Variants in PCM1 observed in about 807,000 individuals in gnomAD.
PCM1 encodes the protein pericentriolar material 1, also known as pericentriolar material 1 protein.
A neutral mutation model predicts 241.9 loss-of-function variants in PCM1; 157 were observed. That is an observed-to-expected ratio of 0.65 (90% CI 0.57 to 0.74). The LOEUF is 0.74. Ranked by LOEUF, PCM1 falls within the 30% of genes least tolerant of loss-of-function variation. PCM1 has a pLI of 0.00. For synonymous variants in PCM1, 1,085 were observed against 784.9 expected (o/e 1.38, Z -6.39); for missense variants, 3,478 against 2,360.1 (o/e 1.47, Z -9.81).
intron 2 of PCM1, among the ~76,000 whole-genome samples, chr8:17,930,497 G>C (rs551622500): frequency 6.6e-6 from 1 of 152,288 alleles, no homozygotes; most frequent in East Asian, 1.9e-4. Flanking sequence ...ATTTGTAATG[G>C]TGACATTTAG....
chr8:17,928,280 T>C (rs1445235740), intron 2 of PCM1, among the ~76,000 whole-genome samples: 1 of 152,220 alleles, frequency 6.6e-6, no homozygotes, highest in Non-Finnish European at 1.5e-5. Flanking sequence ...GAATAGTCTC[T>C]CGTTTCCCTG....
chr8:18,024,519 G>A (rs1342436802), intron 36 of PCM1, among the ~76,000 whole-genome samples: 3 of 152,028 alleles, frequency 2.0e-5, no homozygotes, highest in African/African-American at 2.4e-5. Context: ...TTAAAACTTC[G>A]AAAATTACTG....
intron 17 of PCM1, among the ~76,000 whole-genome samples, chr8:17,963,899 C>G (rs564212450): frequency 6.6e-6 from 1 of 152,130 alleles, no homozygotes; most frequent in Non-Finnish European, 1.5e-5. Flanking sequence ...TTGCACCAAG[C>G]CCTACTCTCT....
Position 17,972,463 on chromosome 8 carries a change from G to C in PCM1, c.3719G>C (p.Arg1240Pro). Residue 1240 changes from arginine to proline, a missense_variant, in exon 23 of 39, where the codon CGC (arginine) becomes CCC (proline). Transcript: ENST00000325083. ...GTAGAAAAATCTACAAGTAGTAACC[G>C]CAAAAATCAATTAGATACAAACGGA... ...VSVEKSTSSN[R>P]KNQLDTNGRR... The C allele has an allele frequency of 1.9e-6, 3 of 1,613,500 alleles. No homozygotes were observed. The highest frequency in any genetic ancestry group is 2.2e-5 in the South Asian group (2 of 91,010).
At chr8:17,927,768 C>G (rs138246868) in intron 2 of PCM1, 1 of 148,944 alleles carries the variant, frequency 6.7e-6, no homozygotes, top group African/African-American at 2.5e-5. Context: ...TCAGGCTAGT[C>G]TTCAACTCCT....
chr8:17,963,140 G>C lies in PCM1; in HGVS notation c.2503G>C (p.Glu835Gln). 1.2e-6 allele frequency: 2 copies of C among 1,613,010 alleles called. No homozygotes were observed. Among genetic ancestry groups the C allele is most frequent in the Non-Finnish European group, 1.7e-6 (2 of 1,179,450 alleles). ...EMRRHEMLRE[E>Q]LRQRRKQLEA... is the part of the protein sequence containing the mutation. ...GAGAAGACATGAAATGTTGAGGGAG[G>C]AGCTGCGACAGAGAAGAAAGCAGCT... The change falls in exon 17 of 39, where the codon GAG (glutamate) becomes CAG (glutamine). Residue 835 changes from glutamate to glutamine, a missense_variant. Glu to Gln is a conservative substitution (Grantham distance 29). Coordinates refer to ENST00000325083, the MANE Select transcript of PCM1 (RefSeq NM_006197.4).
intron 6 of PCM1, among the ~76,000 whole-genome samples, chr8:17,941,045 T>G (rs1286392985): frequency 3.3e-5 from 5 of 152,208 alleles, no homozygotes; most frequent in Non-Finnish European, 7.3e-5. Context: ...TTCCCGGACC[T>G]TCCTAATTTG....
chr8:17,960,136 G>T lies in PCM1; in HGVS notation c.2163G>T (p.Gln721His). Residue 721 changes from glutamine (Q) to histidine (H), a missense_variant, in exon 14 of 39, where the codon CAG becomes CAT. Gln to His is a conservative substitution (Grantham distance 24). Coordinates refer to ENST00000325083, the MANE Select transcript of PCM1 (RefSeq NM_006197.4). ...CTAGAGGAAATGCCAATAAAACACA[G>T]AAAGATACTGGAGTAAATGAAAAGG... ...NNTRGNANKT[Q>H]KDTGVNEKAR... 1 of 1,587,434 alleles carries T rather than the reference G, an allele frequency of 6.3e-7. No individual in the cohort carries two copies. Among genetic ancestry groups the T allele is most frequent in the Non-Finnish European group, 8.6e-7 (1 of 1,165,648 alleles).
At chr8:17,952,830 A>ACCTACC (rs2066594911) in intron 8 of PCM1, 140 bp from the exon 9 acceptor site, 2 of 529,580 alleles carry the variant, frequency 3.8e-6, no homozygotes, top group Non-Finnish European at 6.5e-6. Flanking sequence ...TGGGAATAGT[A>ACCTACC]AGGGTATATA....
intron 6 of PCM1, among the ~76,000 whole-genome samples, chr8:17,945,314 A>T (rs1483803995): frequency 6.6e-6 from 1 of 152,150 alleles, no homozygotes; most frequent in Non-Finnish European, 1.5e-5. Flanking sequence ...AGAACTGAGT[A>T]AACAGTACTT....
rs373832000 is a variant in PCM1, at chr8:17,935,682, T to C, written c.72T>C (p.Asn24=). The C allele has an allele frequency of 1.1e-5, 16 of 1,494,124 alleles. No individual in the cohort carries two copies. The highest frequency in any genetic ancestry group is 1.4e-5 in the Non-Finnish European group (15 of 1,070,880). The allele number at this position is 1,494,124 out of a possible 1,614,324, so 92.6% of individuals were successfully genotyped here. A position where few individuals can be genotyped will look rare whatever the true frequency, so the allele number is the denominator to read the frequency against. ...DQDLPNWSNE[N]VDDRLNNMDW... ...ATTTACCAAACTGGAGTAATGAGAA[T>C]GTTGATGACAGGCTCAACAATATGG... Residue 24 remains asparagine, a synonymous_variant, in exon 3 of 39, where the codon AAT becomes AAC. Coordinates refer to ENST00000325083, the MANE Select transcript of PCM1 (RefSeq NM_006197.4).
At chr8:18,011,472 C>G in intron 33 of PCM1, 106 bp downstream of exon 33, 1 of 1,153,900 alleles carries the variant, frequency 8.7e-7, no homozygotes, top group Non-Finnish European at 1.2e-6. Context: ...TGTCAAAGAA[C>G]TCTGATTTTG....
At chr8:17,990,503 CT>C (rs2084239510) in intron 27 of PCM1, among the ~76,000 whole-genome samples, 1 of 149,962 alleles carries the variant, frequency 6.7e-6, no homozygotes, top group Non-Finnish European at 1.5e-5. Context: ...TTTTTTCCCC[CT>C]CTCCCATCAG....
chr8:18,014,197 A>G (rs1050973532), intron 35 of PCM1, among the ~76,000 whole-genome samples, 161 bp downstream of exon 35: 4 of 152,140 alleles, frequency 2.6e-5, no homozygotes, highest in African/African-American at 7.2e-5. Flanking sequence ...TCCTTTGTAG[A>G]AAACATAAGA....
intron 8 of PCM1, among the ~76,000 whole-genome samples, chr8:17,952,712 G>A (rs571750256): frequency 1.6e-4 from 25 of 152,102 alleles, no homozygotes; most frequent in Non-Finnish European, 2.6e-4. Flanking sequence ...AGGGATTTGG[G>A]TATCTGTTGT....
chr8:17,969,144 A>T (rs2076042377), intron 21 of PCM1, among the ~76,000 whole-genome samples: 1 of 152,198 alleles, frequency 6.6e-6, no homozygotes, highest in African/African-American at 2.4e-5. Flanking sequence ...TAAGCGTAGG[A>T]GTCATACAGA....
chr8:18,004,754 C>A (rs541595032), intron 29 of PCM1, among the ~76,000 whole-genome samples: 1 of 152,060 alleles, frequency 6.6e-6, no homozygotes, highest in African/African-American at 2.4e-5. Context: ...AATGTATTCT[C>A]CTCCTTAGAG....
At chr8:17,981,306 G>T (rs75642678) in intron 24 of PCM1, among the ~76,000 whole-genome samples, 3,630 of 152,118 alleles carry the variant, frequency 0.024, 78 homozygotes, top group Non-Finnish European at 0.034. Flanking sequence ...TTGTAAGTTC[G>T]TTTCTCTGCT....
At chr8:18,005,380 C>T (rs1315527382) in intron 29 of PCM1, among the ~76,000 whole-genome samples, 12 of 150,118 alleles carry the variant, frequency 8.0e-5, no homozygotes, top group African/African-American at 2.7e-4. Context: ...TTTAAATCGC[C>T]TGTCTTGACA....
Sources: allele counts gnomAD v4.1 joint callset (sites outside exome capture counted in the v4.1 genomes callset), GRCh38; gene constraint gnomAD v4.1.1; transcripts MANE v1.5; gene names NCBI Gene and HGNC (gene_info 2026-07-23, HGNC 2026-07-21).